Variants in PPFIBP2 observed in about 807,000 individuals in gnomAD.
The protein encoded by PPFIBP2 is PPFIB scaffold protein 2, also known as liprin-beta-2.
PPFIBP2 carries 118 observed loss-of-function variants against 118.3 expected under a neutral mutation model. The observed-to-expected ratio is 1.00, with a 90% CI of 0.86 to 1.16. The LOEUF (loss-of-function observed/expected upper bound fraction) is 1.16, where lower values mean the gene tolerates loss of function less well. Among genes scored for constraint, PPFIBP2 ranks in the 50% most tolerant of loss-of-function variants. The pLI is 0.00. For synonymous variants in PPFIBP2, 414 were observed against 397.4 expected, an observed-to-expected ratio of 1.04 and a Z score of -0.50; for missense variants, 1,195 against 1,073.1, an observed-to-expected ratio of 1.11 and a Z score of -1.59.
At chr11:7,561,081 T>G (rs1417513761) in intron 2 of PPFIBP2, among the ~76,000 whole-genome samples, 2 of 150,260 alleles carry the variant, frequency 1.3e-5, no homozygotes, top group Non-Finnish European at 3.0e-5. Flanking sequence ...TGTTTGTTTG[T>G]TTTGAGACAG....
Position 7,620,391 on chromosome 11 carries a change from A to G in PPFIBP2, c.619-544A>G, listed in dbSNP as rs180969872. Among the ~76,000 whole-genome samples, 141 of 151,894 alleles carry G rather than the reference A, an allele frequency of 9.3e-4. 1 individual carries two copies. Among genetic ancestry groups the G allele is most frequent in the Middle Eastern group, 3.4e-3 (1 of 294 alleles). On this transcript the variant is annotated intron_variant, in intron 6 of 23. Coordinates refer to ENST00000299492, the MANE Select transcript of PPFIBP2 (RefSeq NM_003621.5). ...CTCCCTCCCTTCTTTCTTCAAATCA[A>G]TCTCTTCCTCTGAACTGGAACACCC...
At chr11:7,640,603 C>T (rs527237906) in intron 15 of PPFIBP2, among the ~76,000 whole-genome samples, 102 of 152,300 alleles carry the variant, frequency 6.7e-4, no homozygotes, top group Non-Finnish European at 1.2e-3. Context: ...CCAGCTCTGC[C>T]GTTGGCTGCA....
chr11:7,665,770 T>A, the PPFIBP2 span: 1 of 1,424,796 alleles, frequency 7.0e-7, no homozygotes, highest in Non-Finnish European at 9.4e-7. Flanking sequence ...CCTGAAGCCC[T>A]GCTGCTGTCT....
At chr11:7,623,442 T>G (rs559573497) in intron 7 of PPFIBP2, among the ~76,000 whole-genome samples, 4 of 152,340 alleles carry the variant, frequency 2.6e-5, no homozygotes, top group African/African-American at 9.6e-5. Context: ...TCTGGACTGT[T>G]CTTGGCCTTC....
chr11:7,578,770 G>A (rs934996786), intron 3 of PPFIBP2, among the ~76,000 whole-genome samples: 1 of 152,168 alleles, frequency 6.6e-6, no homozygotes, highest in Non-Finnish European at 1.5e-5. Flanking sequence ...AAAACTGAAA[G>A]AGCAGTAAGA....
chr11:7,551,690 C>T (rs895767356), intron 2 of PPFIBP2, among the ~76,000 whole-genome samples: 3 of 152,216 alleles, frequency 2.0e-5, no homozygotes, highest in Non-Finnish European at 4.4e-5. Flanking sequence ...GAAGAACTGA[C>T]ACTTTCACAA....
chr11:7,597,423 C>T (rs1440510897), intron 4 of PPFIBP2, 137 bp from the exon 5 acceptor site: 4 of 1,538,106 alleles, frequency 2.6e-6, no homozygotes, highest in Non-Finnish European at 3.5e-6. Context: ...CCTCCACCTG[C>T]CACTCAGCAA....
At chr11:7,527,961 C>G (rs1449336325) in intron 1 of PPFIBP2, among the ~76,000 whole-genome samples, 3 of 152,202 alleles carry the variant, frequency 2.0e-5, no homozygotes, top group African/African-American at 7.2e-5. Context: ...AATTTCAAAG[C>G]AGCCTTTCAG....
intron 4 of PPFIBP2, chr11:7,597,254 G>A: frequency 6.5e-7 from 1 of 1,534,004 alleles, no homozygotes; most frequent in African/African-American, 1.4e-5. Context: ...AGAGGAATAA[G>A]GAGCAGGAGT....
chr11:7,575,066 C>T (rs976841540), intron 3 of PPFIBP2, among the ~76,000 whole-genome samples: 13 of 152,138 alleles, frequency 8.5e-5, no homozygotes, highest in African/African-American at 1.4e-4. Context: ...AAATGGGCCC[C>T]GTCTTTTCCT....
chr11:7,622,263 C>G (rs193262591), intron 7 of PPFIBP2, among the ~76,000 whole-genome samples: 10 of 152,216 alleles, frequency 6.6e-5, no homozygotes, highest in African/African-American at 2.2e-4. Flanking sequence ...CTCGTGAGAA[C>G]TCACTCACAG....
chr11:7,573,147 A>G (rs1244526338), intron 3 of PPFIBP2, among the ~76,000 whole-genome samples: 2 of 152,160 alleles, frequency 1.3e-5, no homozygotes, highest in African/African-American at 4.8e-5. Flanking sequence ...GACCAGTAGT[A>G]CGAGCATCAC....
Position 7,634,519 on chromosome 11 carries a change from T to C in PPFIBP2, c.1161T>C (p.Ser387=). The part of the protein sequence containing the change: ...ETRAQKKLSC[S]LEDLRSESVD... ...GGGCTCAGAAAAAGCTCTCTTGTAG[T>C]CTAGAAGACTTGAGAAGTGAATCTG... Residue 387 remains serine, a synonymous_variant, in exon 13 of 24, where the codon AGT becomes AGC. Transcript: ENST00000299492. 1 of 1,613,392 alleles carries C rather than the reference T, an allele frequency of 6.2e-7. No homozygotes were observed. The highest frequency in any genetic ancestry group is 1.1e-5 in the South Asian group (1 of 91,076).
chr11:7,559,387 A>C (rs1489399884), intron 2 of PPFIBP2, among the ~76,000 whole-genome samples: 1 of 152,000 alleles, frequency 6.6e-6, no homozygotes, highest in Non-Finnish European at 1.5e-5. Context: ...TAATTGTGGG[A>C]AATGTGTGTG....
downstream of PPFIBP2, among the ~76,000 whole-genome samples, chr11:7,660,817 A>T (rs1360164678): frequency 6.6e-6 from 1 of 151,512 alleles, no homozygotes; most frequent in Non-Finnish European, 1.5e-5. Context: ...TATTGCCACA[A>T]TTTCAGATCC....
intron 3 of PPFIBP2, among the ~76,000 whole-genome samples, chr11:7,590,345 C>A (rs1184362393): frequency 1.3e-5 from 2 of 152,246 alleles, no homozygotes; most frequent in East Asian, 1.9e-4. Flanking sequence ...TTATCTTTCA[C>A]TGCTGTTTAC....
At chr11:7,618,138 A>T (rs1054174556) in intron 6 of PPFIBP2, among the ~76,000 whole-genome samples, 2 of 152,074 alleles carry the variant, frequency 1.3e-5, no homozygotes, top group Non-Finnish European at 2.9e-5. Flanking sequence ...GAAAATCTAG[A>T]CATAGGTGTT....
rs116647212 is a variant in PPFIBP2, at chr11:7,532,846, A to G, written c.-36-16594A>G. Among the ~76,000 whole-genome samples, 724 of 152,324 alleles carry G rather than the reference A, an allele frequency of 4.8e-3. 5 individuals are homozygous for G. Among genetic ancestry groups the G allele is most frequent in the African/African-American group, 0.016 (674 of 41,576 alleles). On this transcript the variant is annotated intron_variant, in intron 1 of 23. Transcript: ENST00000299492. ...TGAATCAAAATTAAACTGTTCAACA[A>G]ATGTTGAAATGAAGGCTCAAATTAC...
intron 15 of PPFIBP2, among the ~76,000 whole-genome samples, chr11:7,640,577 A>C (rs1270984344): frequency 6.6e-6 from 1 of 152,174 alleles, no homozygotes; most frequent in Non-Finnish European, 1.5e-5. Flanking sequence ...TGGCCCATGC[A>C]TTGGCCTAGT....
Sources: allele counts gnomAD v4.1 joint callset (sites outside exome capture counted in the v4.1 genomes callset), GRCh38; gene constraint gnomAD v4.1.1; transcripts MANE v1.5; gene names NCBI Gene and HGNC (gene_info 2026-07-23, HGNC 2026-07-21).